Variants in POLR1D observed in about 807,000 individuals in gnomAD.
The protein encoded by POLR1D is RNA polymerase I and III subunit D.
A neutral mutation model predicts 10.8 loss-of-function variants in POLR1D; 8 were observed. The ratio of observed to expected loss-of-function variants is 0.74; its 90% CI spans 0.43 to 1.33. The LOEUF (loss-of-function observed/expected upper bound fraction) is 1.33, where lower values mean the gene tolerates loss of function less well. POLR1D is among the 40% of genes most tolerant of loss of function. POLR1D has a pLI of 0.01. For synonymous variants in POLR1D, 54 were observed against 57.2 expected, an observed-to-expected ratio of 0.94 and a Z score of 0.25; for missense variants, 152 against 161.7, an observed-to-expected ratio of 0.94 and a Z score of 0.32.
At chr13:27,651,151 A>G (rs1307876064) in intron 2 of POLR1D, 6 of 152,342 alleles carry the variant, frequency 3.9e-5, no homozygotes, top group African/African-American at 1.4e-4. Flanking sequence ...TCAAGTCTCT[A>G]GTTAGAACTA....
At position 27,621,968 on chromosome 13, in the gene POLR1D, A is replaced by T. The variant is rs746196920; in HGVS notation, c.-16A>T. On this transcript the variant is annotated 5_prime_UTR_variant, in exon 1 of 2. Coordinates refer to ENST00000302979, the MANE Select transcript of POLR1D (RefSeq NM_015972.4). The stretch of plus-strand genomic sequence containing the variant: ...ATCCGCCAGCACCACCTGAGGATCC[A>T]GAAACCGCCCCAGCGATGGAAGAGG... The T allele has an allele frequency of 8.8e-6, 14 of 1,592,144 alleles. No homozygotes were observed. The highest frequency in any genetic ancestry group is 1.1e-5 in the Non-Finnish European group (13 of 1,169,464).
At chr13:27,622,246 C>T (rs947737030) in intron 1 of POLR1D, 4 of 593,968 alleles carry the variant, frequency 6.7e-6, no homozygotes, top group Non-Finnish European at 1.2e-5. Flanking sequence ...ACTGCCCACC[C>T]CCGTTACAAC....
chr13:27,621,695 C>T (rs2232674), upstream of POLR1D: 13,141 of 245,670 alleles, frequency 0.053, 475 homozygotes, highest in Non-Finnish European at 0.073. Context: ...CGGCGCTGGC[C>T]CCGCCCCCTG....
In POLR1D at chr13:27,664,089, C is replaced by T. The variant is rs182639612; in HGVS notation, c.102-1597C>T. Among the ~76,000 whole-genome samples the T allele has an allele frequency of 2.0e-3, 308 of 152,274 alleles. 6 individuals are homozygous for T. Among genetic ancestry groups the T allele is most frequent in the Middle Eastern group, 0.014 (4 of 294 alleles). On this transcript the variant is annotated intron_variant, in intron 2 of 2. Transcript: ENST00000399697. Reference sequence around the variant, plus strand: ...GTCAAGTGTCTTCACCAAAGCAACGCCTGCATTCAGTAGTACCCTGTCAGA... The same window carrying T: ...GTCAAGTGTCTTCACCAAAGCAACGTCTGCATTCAGTAGTACCCTGTCAGA...
At chr13:27,652,636 CGAGG>C (rs1956275601) in intron 2 of POLR1D, among the ~76,000 whole-genome samples, 1 of 113,688 alleles carries the variant, frequency 8.8e-6, no homozygotes, top group Non-Finnish European at 1.9e-5. Flanking sequence ...TTTGGGAGGC[CGAGG>C]TGGGCGGATC....
At chr13:27,635,245 G>A (rs1325823572) in intron 1 of POLR1D, among the ~76,000 whole-genome samples, 5 of 152,076 alleles carry the variant, frequency 3.3e-5, no homozygotes, top group South Asian at 2.1e-4. Flanking sequence ...ATTATTAAAC[G>A]TTATTAGTAT....
chr13:27,621,259 A>T (rs2232668), upstream of POLR1D: 1,454 of 152,496 alleles, frequency 9.5e-3, 19 homozygotes, highest in African/African-American at 0.033. Flanking sequence ...GACGGAAAGG[A>T]TAAGGTGGGA....
chr13:27,644,937 A>G (rs1278942926), intron 1 of POLR1D, among the ~76,000 whole-genome samples: 1 of 152,176 alleles, frequency 6.6e-6, no homozygotes, highest in African/African-American at 2.4e-5. Flanking sequence ...TCCTTACCCA[A>G]TAATTCATTA....
chr13:27,641,446 T>C (rs1004241888), intron 1 of POLR1D, among the ~76,000 whole-genome samples: 1 of 151,552 alleles, frequency 6.6e-6, no homozygotes, highest in African/African-American at 2.4e-5. Flanking sequence ...GAAAATAAGT[T>C]TCATGGAATA....
At chr13:27,630,979 T>C (rs1423102406) in intron 1 of POLR1D, among the ~76,000 whole-genome samples, 2 of 152,234 alleles carry the variant, frequency 1.3e-5, no homozygotes, top group Non-Finnish European at 2.9e-5. Context: ...GCCTTGGCAC[T>C]TGCCCTTTAC....
chr13:27,634,720 G>A (rs944207167), intron 1 of POLR1D, among the ~76,000 whole-genome samples: 1 of 145,784 alleles, frequency 6.9e-6, no homozygotes, highest in Non-Finnish European at 1.5e-5. Flanking sequence ...CTGTCACCCA[G>A]GCTGGAGTGC....
intron 1 of POLR1D, among the ~76,000 whole-genome samples, chr13:27,643,048 T>C (rs1487632940): frequency 1.3e-5 from 2 of 152,208 alleles, no homozygotes; most frequent in South Asian, 2.1e-4. Flanking sequence ...TGTTATTTTA[T>C]AAATGAATAT....
rs575982679 is a variant in POLR1D at position 27,628,941 on chromosome 13, G to C, written c.26+6932G>C. ...AGCAGTCCTCCTACCTCAGCCTCCT[G>C]AGCAGCTGAGACTACAGGCATGTGC... is the stretch of plus-strand genomic sequence containing the variant. On this transcript the variant is annotated intron_variant, in intron 1 of 2. Coordinates refer to the POLR1D transcript ENST00000399697. Among the ~76,000 whole-genome samples, 38 of 152,268 alleles carry C rather than the reference G, an allele frequency of 2.5e-4. No homozygotes were observed. The South Asian group carries it at 7.0e-3, about 28-fold the overall frequency.
intron 1 of POLR1D, among the ~76,000 whole-genome samples, chr13:27,630,636 A>G (rs1956064046): frequency 6.6e-6 from 1 of 152,216 alleles, no homozygotes. Context: ...TTTCATACCT[A>G]TAAAATTAGG....
chr13:27,665,676 C>T lies in POLR1D; in HGVS notation c.102-10C>T, dbSNP rs966447000. The T allele has an allele frequency of 3.7e-6, 6 of 1,612,932 alleles. No homozygotes were observed. The African/African-American group carries it at 5.3e-5, about 14-fold the overall frequency. ...TTGTGATGGTTTTTCTTTTCTCCTCCCCACCCCAGGATGAAGTGTCCTCTT... is the reference window on the plus strand; with the variant it reads ...TTGTGATGGTTTTTCTTTTCTCCTCTCCACCCCAGGATGAAGTGTCCTCTT... On this transcript the variant is annotated splice_polypyrimidine_tract_variant and intron_variant, in intron 2 of 2. Transcript: ENST00000399697.
chr13:27,652,300 A>G (rs1479533910), intron 2 of POLR1D, among the ~76,000 whole-genome samples: 1 of 152,216 alleles, frequency 6.6e-6, no homozygotes, highest in Non-Finnish European at 1.5e-5. Context: ...TCTGATAGTA[A>G]AAGAACTAGT....
intron 2 of POLR1D, among the ~76,000 whole-genome samples, chr13:27,652,923 T>C (rs1307500790): frequency 7.1e-6 from 1 of 139,992 alleles, no homozygotes; most frequent in East Asian, 2.0e-4. Context: ...TTTTTTTTTT[T>C]TTTTTTTTTT....
intron 2 of POLR1D, among the ~76,000 whole-genome samples, chr13:27,652,906 C>CGCTT (rs1956278569): frequency 1.6e-5 from 2 of 125,098 alleles, no homozygotes; most frequent in African/African-American, 3.3e-5. Context: ...TTGCATTTAC[C>CGCTT]ATTTCTTTTT....
chr13:27,625,495 A>C (rs1258485812), downstream of POLR1D, among the ~76,000 whole-genome samples: 1 of 152,188 alleles, frequency 6.6e-6, no homozygotes, highest in Non-Finnish European at 1.5e-5. Context: ...GAAATTGGGA[A>C]GCTTAAAATG....
Sources: allele counts gnomAD v4.1 joint callset (sites outside exome capture counted in the v4.1 genomes callset), GRCh38; gene constraint gnomAD v4.1.1; transcripts MANE v1.5; gene names NCBI Gene and HGNC (gene_info 2026-07-23, HGNC 2026-07-21).